The following OCSTAMP variants were observed in gnomAD, a reference collection of about 807,000 sequenced individuals.
The protein encoded by OCSTAMP is transmembrane protein C20orf123.
Under a neutral mutation model 25.2 loss-of-function variants are expected in OCSTAMP, and 17 were observed. That is an observed-to-expected ratio of 0.68 (90% CI 0.46 to 1.01). OCSTAMP has a LOEUF of 1.01. OCSTAMP is among the 50% of genes least tolerant of loss of function. OCSTAMP has a pLI of 0.00. For synonymous variants in OCSTAMP, 345 were observed against 318.9 expected, an observed-to-expected ratio of 1.08 and a Z score of -0.87; for missense variants, 664 against 694.6, an observed-to-expected ratio of 0.96 and a Z score of 0.50.
Position 46,545,345 on chromosome 20 carries a change from C to T in OCSTAMP, c.1029G>A (p.Thr343=), listed in dbSNP as rs752629994. 1.8e-4 allele frequency: 271 copies of T among 1,478,788 alleles called. No homozygotes were observed. The highest frequency in any genetic ancestry group is 2.1e-4 in the Non-Finnish European group (237 of 1,114,926). The allele number at this position is 1,478,788 out of a possible 1,614,324, so 91.6% of individuals were successfully genotyped here. A position where few individuals can be genotyped will look rare whatever the true frequency, so the allele number is the denominator to read the frequency against. Residue 343 remains threonine (T), a synonymous_variant, in exon 2 of 3, where the codon ACG becomes ACA. Transcript: ENST00000279028. ...CACTTACATCATACTTGACCGTGAG[C>T]GTGATGGGCACAGTTGGCAACTTCT... ...WAQKLPTVPI[T]LTVKYDVAYT... is the part of the protein sequence containing the mutation.
chr20:46,545,349 A>G lies in OCSTAMP; in HGVS notation c.1025T>C (p.Ile342Thr). Reference protein sequence around the residue: ...DWAQKLPTVPITLTVKYDVAY... With the variant: ...DWAQKLPTVPTTLTVKYDVAY... ...TACATCATACTTGACCGTGAGCGTG[A>G]TGGGCACAGTTGGCAACTTCTGAGC... Residue 342 changes from isoleucine to threonine, a missense_variant, in exon 2 of 3, where the codon ATC (isoleucine) becomes ACC (threonine). Transcript: ENST00000279028. The G allele has an allele frequency of 6.7e-7, 1 of 1,483,116 alleles. No individual in the cohort carries two copies. Among genetic ancestry groups the G allele is most frequent in the Middle Eastern group, 1.8e-4 (1 of 5,640 alleles). The allele number at this position is 1,483,116 out of a possible 1,614,324, so 91.9% of individuals were successfully genotyped here. A position where few individuals can be genotyped will look rare whatever the true frequency, so the allele number is the denominator to read the frequency against.
At chr20:46,549,735 G>A (rs1050327082) in intron 1 of OCSTAMP, among the ~76,000 whole-genome samples, 33 of 150,734 alleles carry the variant, frequency 2.2e-4, no homozygotes, top group Middle Eastern at 3.4e-3. Flanking sequence ...GGCCTGTGGG[G>A]CTGGAGTGAA....
rs1394452439 is a variant in OCSTAMP, at chr20:46,541,360, T to C, written c.1615A>G (p.Ser539Gly). The change falls in exon 3 of 3, where the codon AGC becomes GGC. Residue 539 changes from serine to glycine, a missense_variant. Physicochemically the swap from Ser to Gly is moderately conservative, Grantham distance 56 (BLOSUM62 0). Transcript: ENST00000279028. ...EPRFLHLHNDSIFTIDVTYFP... is the reference protein window; with the variant it reads ...EPRFLHLHNDGIFTIDVTYFP... ...TAGGTCACATCAATGGTAAATATGC[T>C]GTCGTTATGCAGATGTAGAAACCGA... 1.2e-6 allele frequency: 1 copy of C among 806,790 alleles called. No individual in the cohort carries two copies. The highest frequency in any genetic ancestry group is 2.1e-6 in the Non-Finnish European group (1 of 465,906). The allele number at this position is 806,790 out of a possible 1,614,324, so 50.0% of individuals were successfully genotyped here.
At chr20:46,542,020 T>A in intron 2 of OCSTAMP, 93 bp from the exon 3 acceptor site, 1 of 1,356,524 alleles carries the variant, frequency 7.4e-7, no homozygotes, top group South Asian at 2.1e-5. Context: ...CCTGCCTTCA[T>A]CTGCAAAATG....
At position 46,541,774 on chromosome 20, in the gene OCSTAMP, C is replaced by T; in HGVS notation, c.1201G>A (p.Ala401Thr). The T allele has an allele frequency of 6.6e-7, 1 of 1,519,390 alleles. No individual in the cohort carries two copies. The highest frequency in any genetic ancestry group is 1.3e-5 in the South Asian group (1 of 78,990). 94.1% of individuals were successfully genotyped at this position (1,519,390 alleles called of 1,614,324 possible). A position where few individuals can be genotyped will look rare whatever the true frequency, so the allele number is the denominator to read the frequency against. ...LLPARRPRAA[A>T]PLAAGALQLL... The stretch of plus-strand genomic sequence containing the variant: ...TGCAGGGCCCCCGCGGCCAGCGGGG[C>T]AGCTGCGCGGGGACGCCGGGCGGGT... Residue 401 changes from alanine (A) to threonine (T), a missense_variant, in exon 3 of 3, where the codon GCC (alanine) becomes ACC (threonine). By Grantham distance (58) the Ala-to-Thr change is moderately conservative. Coordinates refer to ENST00000279028, the MANE Select transcript of OCSTAMP (RefSeq NM_080721.3).
rs548466766 is a variant in OCSTAMP at position 46,545,719 on chromosome 20, G to A, written c.655C>T (p.Arg219Trp). 9.6e-5 allele frequency: 149 copies of A among 1,551,568 alleles called. No homozygotes were observed. The African/African-American group carries it at 1.5e-3, about 16-fold the overall frequency. ...EDFSGLESLARAAALGTQRVV... is the reference protein window; with the variant it reads ...EDFSGLESLAWAAALGTQRVV... ...CGCTGGGTCCCTAGCGCTGCTGCCC[G>A]GGCCAGGGACTCCAGGCCAGAGAAA... Residue 219 changes from arginine to tryptophan, a missense_variant, in exon 2 of 3, where the codon CGG becomes TGG. Coordinates refer to ENST00000279028, the MANE Select transcript of OCSTAMP (RefSeq NM_080721.3).
chr20:46,550,395 T>A, intron 1 of OCSTAMP, 122 bp downstream of exon 1: 2 of 773,574 alleles, frequency 2.6e-6, no homozygotes, highest in Non-Finnish European at 4.3e-6. Context: ...GAACTGAGGA[T>A]TTGCCTAAGG....
chr20:46,547,158 G>A (rs1045577826), intron 1 of OCSTAMP, among the ~76,000 whole-genome samples: 19 of 152,158 alleles, frequency 1.2e-4, no homozygotes, highest in Non-Finnish European at 2.4e-4. Context: ...GTCATTTCCT[G>A]AGATGAGAAC....
rs2061868052 is a variant in OCSTAMP, at chr20:46,550,605, T to C, written c.-45A>G. Reference sequence around the variant, plus strand: ...TTTCAGGCGGGCGGTCGCTGGCAGCTGTGGCAGGTGGAGAGGAAGTGGGGG... The same window carrying C: ...TTTCAGGCGGGCGGTCGCTGGCAGCCGTGGCAGGTGGAGAGGAAGTGGGGG... On this transcript the variant is annotated 5_prime_UTR_variant, in exon 1 of 3. Coordinates refer to ENST00000279028, the MANE Select transcript of OCSTAMP (RefSeq NM_080721.3). 2 of 1,542,476 alleles carry C rather than the reference T, an allele frequency of 1.3e-6. No homozygotes were observed. The highest frequency in any genetic ancestry group is 8.8e-7 in the Non-Finnish European group (1 of 1,138,806).
Position 46,541,490 on chromosome 20 carries a change from C to T in OCSTAMP, c.1485G>A (p.Glu495=). ...RLDALRTESS[E]GEGKELWSCR... ...AACTCCAAAGCTCTTTCCCTTCTCC[C>T]TCACTGCTCTCGGTTCTTAAGGCAT... The change falls in exon 3 of 3, where the codon GAG becomes GAA. Residue 495 remains glutamate (E), a synonymous_variant. Transcript: ENST00000279028. 5 of 1,551,658 alleles carry T rather than the reference C, an allele frequency of 3.2e-6. No individual in the cohort carries two copies. The highest frequency in any genetic ancestry group is 2.4e-5 in the East Asian group (1 of 40,926).
At position 46,541,930 on chromosome 20, in the gene OCSTAMP, T is replaced by G; in HGVS notation, c.1048-3A>C. 7.0e-7 allele frequency: 1 copy of G among 1,419,204 alleles called. No individual in the cohort carries two copies. The highest frequency in any genetic ancestry group is 9.2e-7 in the Non-Finnish European group (1 of 1,086,560). 87.9% of individuals were successfully genotyped at this position (1,419,204 alleles called of 1,614,324 possible). ...AAGCCCAGGACAGTGTATGCCACCT[T>G]GGGAAAGGAGAAAAAGGCAGGGTCA... is the stretch of plus-strand genomic sequence containing the variant. On this transcript the variant is annotated splice_polypyrimidine_tract_variant and splice_region_variant and intron_variant, in intron 2 of 2. Coordinates refer to ENST00000279028, the MANE Select transcript of OCSTAMP (RefSeq NM_080721.3).
At chr20:46,548,144 G>T (rs372561628) in intron 1 of OCSTAMP, among the ~76,000 whole-genome samples, 5 of 152,184 alleles carry the variant, frequency 3.3e-5, no homozygotes, top group African/African-American at 1.2e-4. Context: ...GACTGCCTGG[G>T]CTCAAATTTC....
At chr20:46,546,565 C>T (rs1024305048) in intron 1 of OCSTAMP, among the ~76,000 whole-genome samples, 1 of 152,220 alleles carries the variant, frequency 6.6e-6, no homozygotes, top group Non-Finnish European at 1.5e-5. Context: ...GCCCAATTCC[C>T]ATGCAGTACC....
intron 2 of OCSTAMP, among the ~76,000 whole-genome samples, chr20:46,542,574 C>CAAAAAA (rs3092597): frequency 0.029 from 2,896 of 100,358 alleles, 232 homozygotes; most frequent in East Asian, 0.1. Context: ...GACTCTGTCT[C>CAAAAAA]AAAAAAAAAA....
chr20:46,550,060 C>A (rs2061865911), intron 1 of OCSTAMP, among the ~76,000 whole-genome samples: 2 of 152,294 alleles, frequency 1.3e-5, no homozygotes, highest in South Asian at 4.1e-4. Flanking sequence ...GCAACCCCTT[C>A]CCAGCTCCCG....
rs772567929 is a variant in OCSTAMP at position 46,541,272 on chromosome 20, G to A, written c.*2C>T. 6 of 720,178 alleles carry A rather than the reference G, an allele frequency of 8.3e-6. No homozygotes were observed. Among genetic ancestry groups the A allele is most frequent in the Admixed American group, 6.0e-5 (3 of 50,012 alleles). The allele number at this position is 720,178 out of a possible 1,614,324, so 44.6% of individuals were successfully genotyped here. On this transcript the variant is annotated 3_prime_UTR_variant, in exon 3 of 3. Coordinates refer to ENST00000279028, the MANE Select transcript of OCSTAMP (RefSeq NM_080721.3). ...CTTCGCCTTTGCATGGTTCTTTACC[G>A]GTTATCCAGGCCTATCATGCCCAGT...
chr20:46,545,328 T>C lies in OCSTAMP; in HGVS notation c.1046A>G (p.Asp349Gly). ...CCCTTTTCCCATCATCACACTTACA[T>C]CATACTTGACCGTGAGCGTGATGGG... ...TVPITLTVKY[D>G]VAYTVLGFIP... is the part of the protein sequence containing the mutation. The change falls in exon 2 of 3, where the codon GAT becomes GGT. Residue 349 changes from aspartate (D) to glycine (G), a missense_variant and splice_region_variant. Asp to Gly is a moderately conservative substitution (Grantham distance 94, BLOSUM62 -1). Coordinates refer to ENST00000279028, the MANE Select transcript of OCSTAMP (RefSeq NM_080721.3). 1 of 1,465,508 alleles carries C rather than the reference T, an allele frequency of 6.8e-7. No individual in the cohort carries two copies. Among genetic ancestry groups the C allele is most frequent in the Non-Finnish European group, 9.0e-7 (1 of 1,107,910 alleles). 90.8% of individuals were successfully genotyped at this position (1,465,508 alleles called of 1,614,324 possible).
chr20:46,544,901 T>C (rs577130531), intron 2 of OCSTAMP, among the ~76,000 whole-genome samples: 1 of 152,368 alleles, frequency 6.6e-6, no homozygotes, highest in Admixed American at 6.5e-5. Flanking sequence ...AAGCTATTAA[T>C]AATAGCCACT....
intron 2 of OCSTAMP, among the ~76,000 whole-genome samples, chr20:46,542,729 T>G (rs1261205640): frequency 6.6e-6 from 1 of 152,042 alleles, no homozygotes; most frequent in Non-Finnish European, 1.5e-5. Flanking sequence ...AAGAATGGTA[T>G]CTAGAGAGGC....
Sources: gnomAD v4.1 joint callset for allele counts (sites outside exome capture counted in the v4.1 genomes callset) on GRCh38, gnomAD v4.1.1 for gene constraint, MANE v1.5 for transcripts, NCBI Gene and HGNC (gene_info 2026-07-23, HGNC 2026-07-21) for gene names.